VPS13D: variants seen among roughly 807,000 people sequenced by gnomAD.
VPS13D encodes the protein vacuolar protein sorting 13 homolog D.
A neutral mutation model predicts 461.9 loss-of-function variants in VPS13D; 187 were observed. The ratio of observed to expected loss-of-function variants is 0.40; its 90% confidence interval spans 0.36 to 0.46. The LOEUF is 0.46. VPS13D is among the 20% of genes least tolerant of loss of function. VPS13D has a pLI of 0.60. For missense variants in VPS13D, 4,711 were observed against 5,364.9 expected (o/e 0.88, Z 3.81); for synonymous variants, 1,951 against 1,986.3 (o/e 0.98, Z 0.47).
At chr1:12,266,754 T>C (rs1002177823) in intron 13 of VPS13D, 127 bp from the exon 14 acceptor site, 1 of 936,242 alleles carries the variant, frequency 1.1e-6, no homozygotes, top group African/African-American at 1.7e-5. Flanking sequence ...TTTTTGTTTG[T>C]TTGTTTAATT....
chr1:12,310,576 C>G (rs1321745502), intron 27 of VPS13D, among the ~76,000 whole-genome samples: 1 of 152,160 alleles, frequency 6.6e-6, no homozygotes, highest in Non-Finnish European at 1.5e-5. Context: ...CCCATCTGGG[C>G]TCAGTATGAA....
chr1:12,339,271 G>A (rs1643515052), intron 40 of VPS13D, among the ~76,000 whole-genome samples: 1 of 152,204 alleles, frequency 6.6e-6, no homozygotes, highest in African/African-American at 2.4e-5. Context: ...GATAAGGACA[G>A]TGAGGTTCAG....
Position 12,502,596 on chromosome 1 carries a change from T to G in VPS13D, c.12795-4257T>G, listed in dbSNP as rs1413654156. Among the ~76,000 whole-genome samples, 1 of 148,254 alleles carries G rather than the reference T, an allele frequency of 6.7e-6. No individual in the cohort carries two copies. Among genetic ancestry groups the G allele is most frequent in the Non-Finnish European group, 1.5e-5 (1 of 67,544 alleles). The stretch of plus-strand genomic sequence containing the variant: ...CTGAGTCAGGCTTCTGATTTTGAAA[T>G]GACTCCAGAGGGAGTAGAATCAGGT... On this transcript the variant is annotated intron_variant, in intron 68 of 69. Transcript: ENST00000620676. The surrounding 1 kb of genome is among the most constrained non-coding windows in gnomAD (Gnocchi z 4.3).
intron 24 of VPS13D, among the ~76,000 whole-genome samples, chr1:12,295,237 A>AC (rs1642243289): frequency 7.3e-6 from 1 of 137,768 alleles, no homozygotes; most frequent in Admixed American, 7.0e-5. Flanking sequence ...AAAAAAAAAA[A>AC]AAACAAAACT....
chr1:12,405,085 C>T (rs1197675822), intron 63 of VPS13D, among the ~76,000 whole-genome samples: 1 of 152,336 alleles, frequency 6.6e-6, no homozygotes, highest in Admixed American at 6.5e-5. Context: ...TAGATGCCCG[C>T]AGGAGCTGCG....
intron 65 of VPS13D, among the ~76,000 whole-genome samples, chr1:12,450,902 C>T (rs1359378273): frequency 6.6e-6 from 1 of 152,176 alleles, no homozygotes; most frequent in Non-Finnish European, 1.5e-5. Flanking sequence ...ACCATCTTCC[C>T]TGGTGACAAG....
chr1:12,455,857 T>C (rs1645319366), intron 65 of VPS13D, 141 bp from the exon 66 acceptor site: 2 of 1,036,888 alleles, frequency 1.9e-6, no homozygotes, highest in Non-Finnish European at 1.3e-6. Flanking sequence ...AGGCGGAGGT[T>C]GTGATGAGAT....
chr1:12,459,818 C>T (rs1420370784), intron 66 of VPS13D, among the ~76,000 whole-genome samples: 1 of 152,068 alleles, frequency 6.6e-6, no homozygotes, highest in South Asian at 2.1e-4. Flanking sequence ...TTCAAACTTT[C>T]CCCGAAGGCC....
In VPS13D at chr1:12,302,832, C is replaced by CTTT. The variant is rs60602915; in HGVS notation, c.6217-1657_6217-1655dup. 5.6e-3 allele frequency among the ~76,000 whole-genome samples: 680 copies of CTTT among 121,102 alleles called. 4 individuals are homozygous for CTTT. Among genetic ancestry groups the CTTT allele is most frequent in the Middle Eastern group, 0.019 (4 of 212 alleles). 79.4% of individuals were successfully genotyped at this position (121,102 alleles called of 152,430 possible). On this transcript the variant is annotated intron_variant, in intron 25 of 69. Transcript: ENST00000620676. ...TCTTAAGGCCCATTGAAAAGAATTC[C>CTTT]TTTTTTTTTTTTTTTTTTTAGCCTT...
At chr1:12,381,736 T>C (rs1446788483) in intron 57 of VPS13D, among the ~76,000 whole-genome samples, 2 of 152,222 alleles carry the variant, frequency 1.3e-5, no homozygotes, top group East Asian at 3.8e-4. Flanking sequence ...CCAACTTCTG[T>C]ACATCACTTC....
chr1:12,477,208 A>G (rs1305685741), intron 67 of VPS13D, among the ~76,000 whole-genome samples: 3 of 151,900 alleles, frequency 2.0e-5, no homozygotes, highest in Non-Finnish European at 2.9e-5. Context: ...CTCAGAGGCC[A>G]TTTTTCCCAC....
chr1:12,353,650 A>G (rs1643859538), intron 46 of VPS13D, among the ~76,000 whole-genome samples: 1 of 152,136 alleles, frequency 6.6e-6, no homozygotes, highest in South Asian at 2.1e-4. Context: ...AAATGTTAGA[A>G]AGGGGTTGCC....
intron 68 of VPS13D, among the ~76,000 whole-genome samples, chr1:12,504,612 A>G (rs1177115382): frequency 1.3e-5 from 2 of 152,140 alleles, no homozygotes; most frequent in African/African-American, 2.4e-5. Context: ...CAAGAAAGCA[A>G]CGGACTCGGC....
intron 66 of VPS13D, among the ~76,000 whole-genome samples, chr1:12,456,761 A>T: frequency 6.6e-6 from 1 of 151,960 alleles, no homozygotes; most frequent in East Asian, 1.9e-4. Context: ...ACAGCCGGTG[A>T]GAACTCCTCA....
At chr1:12,258,147 T>C (rs1380498958) in intron 10 of VPS13D, 44 bp downstream of exon 10, 2 of 1,602,036 alleles carry the variant, frequency 1.2e-6, no homozygotes, top group South Asian at 2.2e-5. Flanking sequence ...ATTCAGAAGA[T>C]AAGAATGTTC....
At chr1:12,348,114 AAAAG>A (rs1163027144) in intron 44 of VPS13D, among the ~76,000 whole-genome samples, 1 of 152,246 alleles carries the variant, frequency 6.6e-6, no homozygotes, top group Non-Finnish European at 1.5e-5. Flanking sequence ...CATTTAGAAA[AAAAG>A]AAGTTATTAT....
chr1:12,359,043 G>A (rs1178746939), intron 50 of VPS13D, among the ~76,000 whole-genome samples: 3 of 152,190 alleles, frequency 2.0e-5, no homozygotes, highest in Non-Finnish European at 1.5e-5. Context: ...CAAAGGGGAA[G>A]TCTGGGTCAG....
chr1:12,386,661 C>T (rs1644354641), intron 60 of VPS13D, among the ~76,000 whole-genome samples: 1 of 152,128 alleles, frequency 6.6e-6, no homozygotes, highest in African/African-American at 2.4e-5. Context: ...ATAGGGAGAA[C>T]AAACTAAAGA....
intron 13 of VPS13D, among the ~76,000 whole-genome samples, chr1:12,266,045 C>T (rs1426913986): frequency 2.1e-4 from 32 of 152,054 alleles, no homozygotes; most frequent in Admixed American, 2.1e-3. Context: ...CTCCTGTAGT[C>T]CTAGCTACGT....
Sources: allele counts gnomAD v4.1 joint callset (sites outside exome capture counted in the v4.1 genomes callset), GRCh38; gene constraint gnomAD v4.1.1; non-coding constraint Gnocchi (gnomAD v3.1); transcripts MANE v1.5; gene names NCBI Gene and HGNC (gene_info 2026-07-23, HGNC 2026-07-21).